GPM6A: variants seen among roughly 807,000 people sequenced by gnomAD.
The protein encoded by GPM6A is neuronal membrane glycoprotein M6-a.
A neutral mutation model predicts 32.1 loss-of-function variants in GPM6A; 7 were observed. The observed-to-expected ratio is 0.22, with a 90% confidence interval of 0.12 to 0.41. The LOEUF is 0.41. Ranked by LOEUF, GPM6A falls within the 10% of genes least tolerant of loss-of-function variation. GPM6A has a pLI of 1.00. For missense variants in GPM6A, 235 were observed against 347.2 expected (o/e 0.68, Z 2.57); for synonymous variants, 130 against 123.4 (o/e 1.05, Z -0.35).
chr4:175,967,295 G>A (rs1245144014), intron 1 of GPM6A, among the ~76,000 whole-genome samples: 3 of 151,274 alleles, frequency 2.0e-5, no homozygotes, highest in African/African-American at 7.3e-5. Context: ...TTCTCAACTT[G>A]GTAAAGAATA....
chr4:175,768,812 C>T (rs1018426911), intron 1 of GPM6A, among the ~76,000 whole-genome samples: 1 of 151,686 alleles, frequency 6.6e-6, no homozygotes, highest in Non-Finnish European at 1.5e-5. Context: ...AGGTACTATC[C>T]TGGCCGGGTA....
At chr4:175,926,456 C>A (rs2111535393) in intron 1 of GPM6A, among the ~76,000 whole-genome samples, 1 of 152,170 alleles carries the variant, frequency 6.6e-6, no homozygotes, top group South Asian at 2.1e-4. Flanking sequence ...TTATGTTTTT[C>A]ACTGGATAAT....
chr4:175,728,028 A>G (rs1296887721), intron 1 of GPM6A, among the ~76,000 whole-genome samples: 1 of 150,398 alleles, frequency 6.6e-6, no homozygotes, highest in Admixed American at 6.7e-5. Flanking sequence ...AAAAAAACTT[A>G]CCGGTTTTTC....
At chr4:175,938,228 G>C (rs1459786836) in intron 1 of GPM6A, among the ~76,000 whole-genome samples, 5 of 152,114 alleles carry the variant, frequency 3.3e-5, no homozygotes, top group Non-Finnish European at 1.5e-5. Context: ...CTAAAAGAGA[G>C]GATTTGAAAT....
chr4:175,884,896 C>T (rs1737403675), intron 1 of GPM6A, among the ~76,000 whole-genome samples: 1 of 152,134 alleles, frequency 6.6e-6, no homozygotes, highest in African/African-American at 2.4e-5. Flanking sequence ...TAAAAATCTA[C>T]TGTTTTCAAA....
intron 1 of GPM6A, among the ~76,000 whole-genome samples, chr4:175,856,682 G>A (rs180831794): frequency 3.0e-4 from 46 of 152,296 alleles, no homozygotes; most frequent in Non-Finnish European, 6.3e-4. Context: ...TTTACTGAGC[G>A]ATGGAAGCAG....
intron 3 of GPM6A, among the ~76,000 whole-genome samples, chr4:175,661,145 T>A (rs1234820464): frequency 1.3e-5 from 2 of 152,200 alleles, no homozygotes; most frequent in African/African-American, 2.4e-5. Flanking sequence ...ATTTAAACAA[T>A]GTTGACACAT....
chr4:175,788,606 C>T (rs1387777519), intron 1 of GPM6A, among the ~76,000 whole-genome samples: 1 of 151,874 alleles, frequency 6.6e-6, no homozygotes, highest in Non-Finnish European at 1.5e-5. Flanking sequence ...CAGTTATAAA[C>T]TAAACTGAAA....
At chr4:175,750,000 G>T (rs972835410) in intron 1 of GPM6A, among the ~76,000 whole-genome samples, 1 of 152,030 alleles carries the variant, frequency 6.6e-6, no homozygotes, top group Admixed American at 6.6e-5. Context: ...TGTACATAAA[G>T]ATCAGATTCC....
intron 1 of GPM6A, among the ~76,000 whole-genome samples, chr4:175,976,934 C>A (rs574191956): frequency 2.0e-5 from 3 of 152,278 alleles, no homozygotes; most frequent in African/African-American, 7.2e-5. Context: ...ACCCTGCATT[C>A]CATAATGGTG....
intron 1 of GPM6A, among the ~76,000 whole-genome samples, chr4:175,860,070 C>T (rs917185613): frequency 1.8e-4 from 27 of 151,754 alleles, no homozygotes; most frequent in Admixed American, 3.9e-4. Flanking sequence ...AAATTTCTAA[C>T]TTTAAATTCA....
At chr4:175,912,907 T>G (rs562426896) in intron 1 of GPM6A, among the ~76,000 whole-genome samples, 1 of 152,168 alleles carries the variant, frequency 6.6e-6, no homozygotes, top group Non-Finnish European at 1.5e-5. Flanking sequence ...ATGTTCATTA[T>G]CAATAAAATG....
chr4:175,921,312 A>T (rs1174383186), intron 1 of GPM6A, among the ~76,000 whole-genome samples: 3 of 152,188 alleles, frequency 2.0e-5, no homozygotes, highest in African/African-American at 7.2e-5. Context: ...CAATCACTTA[A>T]TCTCAAATTC....
intron 1 of GPM6A, among the ~76,000 whole-genome samples, chr4:175,824,990 A>G (rs1735389016): frequency 6.6e-6 from 1 of 152,234 alleles, no homozygotes. Context: ...ATGTAAATAT[A>G]TCTTCAAAAG....
At position 175,635,060 on chromosome 4, in the gene GPM6A, A is replaced by G. The variant is rs777920637; in HGVS notation, c.685-3T>C. 4 of 1,611,436 alleles carry G rather than the reference A, an allele frequency of 2.5e-6. No individual in the cohort carries two copies. The East Asian group carries it at 8.9e-5, about 36-fold the overall frequency. ...GACAGAACCATAAGGTAGTGAACCT[A>G]ATCAAAGAGAAAAATAATTTATATT... On this transcript the variant is annotated splice_polypyrimidine_tract_variant and splice_region_variant and intron_variant, in intron 6 of 6. Transcript: ENST00000393658.
intron 3 of GPM6A, among the ~76,000 whole-genome samples, chr4:175,667,485 A>G (rs1046605033): frequency 1.3e-5 from 2 of 152,200 alleles, no homozygotes; most frequent in Admixed American, 6.5e-5. Flanking sequence ...GTAATATGGT[A>G]TCCCGAATGG....
chr4:175,680,414 C>A (rs562535023), intron 2 of GPM6A, among the ~76,000 whole-genome samples: 1 of 152,240 alleles, frequency 6.6e-6, no homozygotes, highest in South Asian at 2.1e-4. Context: ...TTACAAAAAT[C>A]ATATCTATCT....
chr4:175,989,505 A>G (rs1482298079), intron 1 of GPM6A, among the ~76,000 whole-genome samples: 1 of 152,108 alleles, frequency 6.6e-6, no homozygotes, highest in Non-Finnish European at 1.5e-5. Flanking sequence ...AAGTCATACA[A>G]GTATTAAAGT....
rs182102511 is a variant in GPM6A, at chr4:175,900,208, G to T, written c.-22-87959C>A. Among the ~76,000 whole-genome samples, 62 of 151,184 alleles carry T rather than the reference G, an allele frequency of 4.1e-4. 1 individual carries two copies. The East Asian group carries it at 8.8e-3, about 21-fold the overall frequency. ...GAATCTCTTGAACCCAAGAGGCGGA[G>T]GTTGCAGTGAGCCAAGATCGCACCA... is the stretch of plus-strand genomic sequence containing the variant. On this transcript the variant is annotated intron_variant, in intron 1 of 7. Transcript: ENST00000280187.
Sources: allele counts gnomAD v4.1 joint callset (sites outside exome capture counted in the v4.1 genomes callset), GRCh38; gene constraint gnomAD v4.1.1; transcripts MANE v1.5; gene names NCBI Gene and HGNC (gene_info 2026-07-23, HGNC 2026-07-21).